The following KCNQ3 variants were observed in gnomAD, a reference collection of about 807,000 sequenced individuals.
KCNQ3 encodes the protein potassium voltage-gated channel subfamily KQT member 3.
KCNQ3 carries 30 observed loss-of-function variants against 92.5 expected under a neutral mutation model. The ratio of observed to expected loss-of-function variants is 0.32; its 90% CI spans 0.24 to 0.44. The LOEUF (loss-of-function observed/expected upper bound fraction) is 0.44, where lower values mean the gene tolerates loss of function less well. KCNQ3 is among the 20% of genes least tolerant of loss of function. KCNQ3 has a pLI of 1.00. For synonymous variants in KCNQ3, 450 were observed against 468.8 expected (o/e 0.96, Z 0.52); for missense variants, 913 against 1,140.3 (o/e 0.80, Z 2.87).
chr8:132,130,568 G>A (rs947591532), intron 14 of KCNQ3, among the ~76,000 whole-genome samples: 1 of 152,204 alleles, frequency 6.6e-6, no homozygotes, highest in Admixed American at 6.5e-5. Flanking sequence ...GCAGAGAGAT[G>A]CTTTGAAGTG....
intron 9 of KCNQ3, among the ~76,000 whole-genome samples, chr8:132,148,368 T>C (rs1825527493): frequency 6.6e-6 from 1 of 152,166 alleles, no homozygotes. Context: ...CCCGAGTAGC[T>C]GGGATTACAG....
intron 1 of KCNQ3, chr8:132,447,099 A>G (rs1283059381): frequency 1.9e-6 from 2 of 1,032,014 alleles, no homozygotes; most frequent in South Asian, 1.4e-5. Flanking sequence ...TTGGTCCCCA[A>G]ATAAGCTATG....
At chr8:132,420,085 T>C (rs1195496245) in intron 1 of KCNQ3, among the ~76,000 whole-genome samples, 2 of 152,172 alleles carry the variant, frequency 1.3e-5, no homozygotes, top group Non-Finnish European at 2.9e-5. Context: ...CAGGGCCCTC[T>C]TCTGGGGTGC....
chr8:132,216,576 T>C (rs757013464), intron 1 of KCNQ3, among the ~76,000 whole-genome samples: 4 of 152,098 alleles, frequency 2.6e-5, no homozygotes, highest in Non-Finnish European at 4.4e-5. Flanking sequence ...AGAACTTCAA[T>C]TGACATCTGG....
chr8:132,270,821 A>G (rs1816125448), intron 1 of KCNQ3, among the ~76,000 whole-genome samples: 1 of 152,262 alleles, frequency 6.6e-6, no homozygotes, highest in Non-Finnish European at 1.5e-5. Context: ...AAAATTTAAA[A>G]GAAAGTTCAC....
intron 1 of KCNQ3, among the ~76,000 whole-genome samples, chr8:132,297,559 A>G (rs1048815034): frequency 2.0e-5 from 3 of 152,226 alleles, no homozygotes; most frequent in Non-Finnish European, 4.4e-5. Flanking sequence ...ACAAATAAAA[A>G]CTAACCCTAT....
At chr8:132,417,547 A>G (rs1203015931) in intron 1 of KCNQ3, among the ~76,000 whole-genome samples, 1 of 152,190 alleles carries the variant, frequency 6.6e-6, no homozygotes, top group Non-Finnish European at 1.5e-5. Flanking sequence ...GGAGACATCT[A>G]CTTTTTTTTG....
At chr8:132,397,475 C>T (rs770794944) in intron 1 of KCNQ3, among the ~76,000 whole-genome samples, 3 of 152,164 alleles carry the variant, frequency 2.0e-5, no homozygotes, top group Non-Finnish European at 2.9e-5. Flanking sequence ...AGACTATCTA[C>T]GCTGCATAGG....
rs149070494 is a variant in KCNQ3, at chr8:132,459,508, G to A, written c.386+20639C>T. 1.9e-4 allele frequency among the ~76,000 whole-genome samples: 29 copies of A among 152,144 alleles called. No individual in the cohort carries two copies. The East Asian group carries it at 5.2e-3, about 27-fold the overall frequency. ...GCTCTTTTTAACAACCAGCTCTCAC[G>A]GGAACTAATAAGAATGAGAACTCAC... On this transcript the variant is annotated intron_variant, in intron 1 of 14. Transcript: ENST00000388996.
intron 1 of KCNQ3, among the ~76,000 whole-genome samples, chr8:132,409,843 A>G (rs2130795722): frequency 6.6e-6 from 1 of 152,360 alleles, no homozygotes; most frequent in East Asian, 1.9e-4. Context: ...TGATGCCCAG[A>G]ATTAACCAAA....
rs35230760 is a variant in KCNQ3 at position 132,128,507 on chromosome 8, A to ATGTGTGTGTGTGTGTGTGTGTG, written c.*733_*754dup. On this transcript the variant is annotated 3_prime_UTR_variant, in exon 15 of 15. Transcript: ENST00000388996. ...ATTGGAAACTATTTTAACTTTGTGT[A>ATGTGTGTGTGTGTGTGTGTGTG]TGTGTGTGTGTGTGTGTGTGTGTGT... 8.3e-5 allele frequency: 12 copies of ATGTGTGTGTGTGTGTGTGTGTG among 145,188 alleles called. No homozygotes were observed. Among genetic ancestry groups the ATGTGTGTGTGTGTGTGTGTGTG allele is most frequent in the African/African-American group, 2.8e-4 (11 of 38,914 alleles). The allele number at this position is 145,188 out of a possible 1,614,324, so 9.0% of individuals were successfully genotyped here. A position where few individuals can be genotyped will look rare whatever the true frequency, so the allele number is the denominator to read the frequency against.
At chr8:132,333,382 T>G (rs1210763341) in intron 1 of KCNQ3, among the ~76,000 whole-genome samples, 1 of 152,192 alleles carries the variant, frequency 6.6e-6, no homozygotes, top group Admixed American at 6.5e-5. Flanking sequence ...TTATAAATAT[T>G]TCATTAGTAA....
intron 1 of KCNQ3, among the ~76,000 whole-genome samples, chr8:132,307,717 C>A (rs72719199): frequency 1.3e-5 from 2 of 152,184 alleles, no homozygotes; most frequent in African/African-American, 4.8e-5. Flanking sequence ...TATTCCCCAA[C>A]AAGCTTAGCC....
Position 132,129,205 on chromosome 8 carries a change from A to G in KCNQ3, c.*57T>C. The G allele has an allele frequency of 6.3e-7, 1 of 1,586,970 alleles. No homozygotes were observed. The highest frequency in any genetic ancestry group is 8.6e-7 in the Non-Finnish European group (1 of 1,168,658). On this transcript the variant is annotated 3_prime_UTR_variant, in exon 15 of 15. Transcript: ENST00000388996. The surrounding 1 kb of genome is among the most constrained non-coding windows in gnomAD (Gnocchi z 5.9). ...GCTGGTAAGCGTCGGGTGTAAGAGT[A>G]AGTGAACTATACAAAGTCTGTCTAC...
chr8:132,418,968 C>A (rs536556521), intron 1 of KCNQ3, among the ~76,000 whole-genome samples: 26 of 152,214 alleles, frequency 1.7e-4, no homozygotes, highest in African/African-American at 6.0e-4. Flanking sequence ...AATTTCTAAG[C>A]CTCAGTTTTC....
chr8:132,206,404 A>G (rs1041056820), intron 1 of KCNQ3, among the ~76,000 whole-genome samples: 1 of 152,218 alleles, frequency 6.6e-6, no homozygotes, highest in African/African-American at 2.4e-5. Flanking sequence ...GAATCAATTC[A>G]CAAAAGACAA....
At chr8:132,412,844 TC>T (rs1358213937) in intron 1 of KCNQ3, among the ~76,000 whole-genome samples, 1 of 152,142 alleles carries the variant, frequency 6.6e-6, no homozygotes, top group Non-Finnish European at 1.5e-5. Context: ...CTTGCTGTGG[TC>T]CCAAACAAAC....
intron 1 of KCNQ3, among the ~76,000 whole-genome samples, chr8:132,289,160 G>A (rs1355707538): frequency 6.6e-6 from 1 of 152,176 alleles, no homozygotes; most frequent in Non-Finnish European, 1.5e-5. Context: ...AAAGTACATA[G>A]CTGGGTCCTC....
chr8:132,171,514 T>C (rs774485603), intron 7 of KCNQ3, among the ~76,000 whole-genome samples: 3 of 152,184 alleles, frequency 2.0e-5, no homozygotes, highest in African/African-American at 4.8e-5. Flanking sequence ...CACCTCTCAC[T>C]GCTCCCTGCA....
Sources: allele counts gnomAD v4.1 joint callset (sites outside exome capture counted in the v4.1 genomes callset), GRCh38; gene constraint gnomAD v4.1.1; non-coding constraint Gnocchi (gnomAD v3.1); transcripts MANE v1.5; gene names NCBI Gene and HGNC (gene_info 2026-07-23, HGNC 2026-07-21).